Variants in NGLY1 observed in about 807,000 individuals in gnomAD.
The protein encoded by NGLY1 is N-glycanase 1, also known as peptide-N(4)-(N-acetyl-beta-glucosaminyl)asparagine amidase.
NGLY1 carries 68 observed loss-of-function variants against 84.6 expected under a neutral mutation model. The observed-to-expected ratio is 0.80, with a 90% CI of 0.66 to 0.98. The LOEUF is 0.98. NGLY1 is among the 50% of genes least tolerant of loss of function. The probability of loss-of-function intolerance (pLI) is 0.00; values close to 1 mark genes in which losing one functional copy is unlikely to be tolerated. For missense variants in NGLY1, 779 were observed against 770.2 expected, an observed-to-expected ratio of 1.01 and a Z score of -0.14; for synonymous variants, 280 against 275.2, an observed-to-expected ratio of 1.02 and a Z score of -0.17.
At chr3:25,778,318 G>GTTGCATGTATGACCCTT (rs2043631485) in intron 2 of NGLY1, 2 of 270,194 alleles carry the variant, frequency 7.4e-6, no homozygotes, top group Admixed American at 1.0e-4. Context: ...TGGTCCTTGG[G>GTTGCATGTATGACCCTT]TTGCATGTAT....
chr3:25,733,873 T>C lies in NGLY1; in HGVS notation c.1259A>G (p.Gln420Arg), dbSNP rs113482989. 1 of 1,609,410 alleles carries C rather than the reference T, an allele frequency of 6.2e-7. No individual in the cohort carries two copies. Among genetic ancestry groups the C allele is most frequent in the South Asian group, 1.1e-5 (1 of 90,416 alleles). Residue 420 changes from glutamine (Q) to arginine (R), a missense_variant and splice_region_variant, in exon 8 of 12, where the codon CAG becomes CGG. Gln to Arg is a conservative substitution (Grantham distance 43). Coordinates refer to ENST00000280700, the MANE Select transcript of NGLY1 (RefSeq NM_018297.4). ...TCAAAAAAGATAGCCACACCATACC[T>C]GCTTATTAAGCCCATTAATAGTGTC... ...LRDTINGLNK[Q>R]RQLFLSENRR...
At position 25,739,926 on chromosome 3, in the gene NGLY1, A is replaced by G. The variant is rs1161658021; in HGVS notation, c.659-127T>C. On this transcript the variant is annotated intron_variant, in intron 4 of 11. Coordinates refer to ENST00000280700, the MANE Select transcript of NGLY1 (RefSeq NM_018297.4). Reference sequence around the variant, plus strand: ...TAAGATGATTTTAAGGTTTTCACTAATAAGAGGCAAGAAGAAACTGTCATT... The same window carrying G: ...TAAGATGATTTTAAGGTTTTCACTAGTAAGAGGCAAGAAGAAACTGTCATT... 19 of 701,360 alleles carry G rather than the reference A, an allele frequency of 2.7e-5. No homozygotes were observed. The East Asian group carries it at 4.6e-4, about 17-fold the overall frequency. 43.4% of individuals were successfully genotyped at this position (701,360 alleles called of 1,614,324 possible). A position where few individuals can be genotyped will look rare whatever the true frequency, so the allele number is the denominator to read the frequency against.
Position 25,783,256 on chromosome 3 carries a change from G to A in NGLY1, c.131+4C>T. ...ACCCGCCGTCCGACCCCGTTGCCCT[G>A]CACCTGAGGATGTTGTCAGCATAGG... On this transcript the variant is annotated splice_donor_region_variant and intron_variant, in intron 1 of 11. Transcript: ENST00000280700. The surrounding 1 kb of genome is among the most constrained non-coding windows in gnomAD (Gnocchi z 4.5). 6.2e-7 allele frequency: 1 copy of A among 1,608,644 alleles called. No homozygotes were observed. Among genetic ancestry groups the A allele is most frequent in the African/African-American group, 1.3e-5 (1 of 74,428 alleles).
At chr3:25,775,652 A>C (rs1424738726) in intron 2 of NGLY1, among the ~76,000 whole-genome samples, 4 of 152,250 alleles carry the variant, frequency 2.6e-5, no homozygotes, top group African/African-American at 9.6e-5. Flanking sequence ...AAAATTTAAA[A>C]AAATAAAGAA....
In NGLY1 at chr3:25,736,126, A is replaced by T. The variant is rs778154955; in HGVS notation, c.1027T>A (p.Ser343Thr). ...TGCAGCCACCGCTGCTGAGAAGGAGAATAGACTTCTGTCCAGACATGGTCT... is the reference window on the plus strand; with the variant it reads ...TGCAGCCACCGCTGCTGAGAAGGAGTATAGACTTCTGTCCAGACATGGTCT... ...YTDHVWTEVY[S>T]PSQQRWLHCD... The change falls in exon 7 of 12, where the codon TCT (serine) becomes ACT (threonine). Residue 343 changes from serine to threonine, a missense_variant. Transcript: ENST00000280700. The T allele has an allele frequency of 1.2e-6, 2 of 1,613,706 alleles. No homozygotes were observed. Among genetic ancestry groups the T allele is most frequent in the South Asian group, 1.1e-5 (1 of 91,000 alleles).
chr3:25,765,099 T>C (rs970056593), intron 2 of NGLY1, among the ~76,000 whole-genome samples: 1 of 152,216 alleles, frequency 6.6e-6, no homozygotes, highest in African/African-American at 2.4e-5. Flanking sequence ...ACAATGTATT[T>C]GATCAAATTT....
upstream of NGLY1, among the ~76,000 whole-genome samples, chr3:25,784,744 A>G (rs987747500): frequency 5.0e-4 from 76 of 152,192 alleles, no homozygotes; most frequent in African/African-American, 1.6e-3. Flanking sequence ...CGTCTCCCAA[A>G]TATACGTACG....
chr3:25,760,441 G>A (rs1029112305), intron 3 of NGLY1, among the ~76,000 whole-genome samples: 2 of 152,150 alleles, frequency 1.3e-5, no homozygotes, highest in African/African-American at 4.8e-5. Flanking sequence ...TAAGTATGCT[G>A]ATATAAGGAC....
At chr3:25,732,680 G>C (rs1225072576) in intron 8 of NGLY1, among the ~76,000 whole-genome samples, 197 bp from the exon 9 acceptor site, 1 of 152,054 alleles carries the variant, frequency 6.6e-6, no homozygotes, top group Non-Finnish European at 1.5e-5. Context: ...ATTTTATGTT[G>C]GGAAATCATT....
At chr3:25,773,851 T>C (rs994969554) in intron 2 of NGLY1, among the ~76,000 whole-genome samples, 6 of 152,218 alleles carry the variant, frequency 3.9e-5, no homozygotes, top group Admixed American at 6.5e-5. Flanking sequence ...GGAATGGGGC[T>C]TCCTGAGAGC....
In NGLY1 at chr3:25,755,494, G is replaced by A. The variant is rs376820983; in HGVS notation, c.493-4231C>T. 2.5e-5 allele frequency: 36 copies of A among 1,461,634 alleles called. 1 individual carries two copies. The highest frequency in any genetic ancestry group is 1.7e-4 in the Middle Eastern group (1 of 5,818). 90.5% of individuals were successfully genotyped at this position (1,461,634 alleles called of 1,614,324 possible). On this transcript the variant is annotated intron_variant, in intron 3 of 11. Transcript: ENST00000280700. ...TTAACAGTGCAGATTCCACCTTCTCGGTCCACACCTGTCAAACCAGTTCCT... is the reference window on the plus strand; with the variant it reads ...TTAACAGTGCAGATTCCACCTTCTCAGTCCACACCTGTCAAACCAGTTCCT...
rs373961978 is a variant in NGLY1, at chr3:25,751,174, C to T, written c.582G>A (p.Ala194=). Residue 194 remains alanine (A), a synonymous_variant, in exon 4 of 12, where the codon GCG becomes GCA. Coordinates refer to ENST00000280700, the MANE Select transcript of NGLY1 (RefSeq NM_018297.4). ...VYENPALQEK[A]LACIPVQELK... ...GTTCTTGGACCGGAATACAAGCCAA[C>T]GCTTTCTCCTGAAGAGCAGGATTTT... The T allele has an allele frequency of 5.1e-5, 82 of 1,613,612 alleles. No homozygotes were observed. The highest frequency in any genetic ancestry group is 3.3e-4 in the Middle Eastern group (2 of 6,062).
chr3:25,739,023 A>G (rs1396977431), intron 5 of NGLY1, among the ~76,000 whole-genome samples: 1 of 152,144 alleles, frequency 6.6e-6, no homozygotes, highest in Non-Finnish European at 1.5e-5. Flanking sequence ...ACTAAAACAA[A>G]CTTCTGCTAA....
intron 2 of NGLY1, 99 bp from the exon 3 acceptor site, chr3:25,764,410 A>G: frequency 2.4e-6 from 3 of 1,243,780 alleles, no homozygotes; most frequent in Non-Finnish European, 3.3e-6. Context: ...CCAATAATAT[A>G]GAATGCATGT....
intron 10 of NGLY1, among the ~76,000 whole-genome samples, chr3:25,727,668 T>C (rs1705327573): frequency 6.6e-6 from 1 of 152,210 alleles, no homozygotes; most frequent in African/African-American, 2.4e-5. Context: ...CATCTTTTTG[T>C]TTACGTAGCT....
At chr3:25,720,695 C>T (rs1414627281) in intron 10 of NGLY1, among the ~76,000 whole-genome samples, 3 of 152,208 alleles carry the variant, frequency 2.0e-5, no homozygotes, top group Non-Finnish European at 2.9e-5. Flanking sequence ...GCTCACTTCT[C>T]TAAATAGCAT....
chr3:25,734,003 C>A, intron 7 of NGLY1, 21 bp from the exon 8 acceptor site: 1 of 1,608,486 alleles, frequency 6.2e-7, no homozygotes, highest in Non-Finnish European at 8.5e-7. Flanking sequence ...TAACAGAATA[C>A]AAATACTTAA....
At chr3:25,789,948 G>A (rs1708687235) in exon 1 of NGLY1, 2 of 1,516,232 alleles carry the variant, frequency 1.3e-6, no homozygotes, top group East Asian at 4.9e-5. Flanking sequence ...CAGCTACCCA[G>A]CCGCCTCCCA....
At chr3:25,755,340 G>A in intron 3 of NGLY1, 1 of 1,324,766 alleles carries the variant, frequency 7.5e-7, no homozygotes. Context: ...CCTAACCAAG[G>A]GAGGCTAGTT....
Sources: allele counts gnomAD v4.1 joint callset (sites outside exome capture counted in the v4.1 genomes callset), GRCh38; gene constraint gnomAD v4.1.1; non-coding constraint Gnocchi (gnomAD v3.1); transcripts MANE v1.5; gene names NCBI Gene and HGNC (gene_info 2026-07-23, HGNC 2026-07-21).